PLCG2: variants seen among roughly 807,000 people sequenced by gnomAD.
PLCG2 encodes phospholipase C gamma 2.
A neutral mutation model predicts 175.6 loss-of-function variants in PLCG2; 69 were observed. The ratio of observed to expected loss-of-function variants is 0.39; its 90% CI spans 0.32 to 0.48. The LOEUF is 0.48. Among genes scored for constraint, PLCG2 ranks in the 20% least tolerant of loss-of-function variants. The pLI, the probability that PLCG2 is intolerant of heterozygous loss-of-function variation, is 0.91. For synonymous variants in PLCG2, 827 were observed against 624.0 expected (o/e 1.33, Z -4.85); for missense variants, 1,798 against 1,650.9 (o/e 1.09, Z -1.54).
At chr16:81,836,532 G>A (rs561292507) in intron 2 of PLCG2, among the ~76,000 whole-genome samples, 19 of 152,178 alleles carry the variant, frequency 1.2e-4, no homozygotes, top group Admixed American at 2.0e-4. Context: ...CCTGAGGTGA[G>A]GAGTTTGAGA....
At chr16:81,832,750 G>T (rs780789047) in intron 2 of PLCG2, among the ~76,000 whole-genome samples, 14 of 152,230 alleles carry the variant, frequency 9.2e-5, no homozygotes, top group Admixed American at 2.0e-4. Context: ...ATGATATCCA[G>T]TTGACTGCGT....
chr16:81,838,819 T>C (rs73590821), intron 2 of PLCG2, among the ~76,000 whole-genome samples: 9,806 of 148,860 alleles, frequency 0.066, 389 homozygotes, highest in Non-Finnish European at 0.084. Context: ...GTAAATAACA[T>C]AGATGTGGTA....
In PLCG2 at chr16:81,953,439, TA is replaced by T. The variant is rs1462674208; in HGVS notation, c.3571-3252del. On this transcript the variant is annotated intron_variant, in intron 31 of 32. Transcript: ENST00000564138. The stretch of plus-strand genomic sequence containing the variant: ...TTTTTGTAAGCTTAAGCTTCCAACA[TA>T]AAACAATTTAAAAGGTATTGGTGGG... Among the ~76,000 whole-genome samples, 3 of 152,268 alleles carry T rather than the reference TA, an allele frequency of 2.0e-5. No homozygotes were observed. In the South Asian group the frequency reaches 6.2e-4, roughly 32 times the overall value.
chr16:81,871,170 G>A (rs981550081), intron 7 of PLCG2, among the ~76,000 whole-genome samples: 2 of 152,150 alleles, frequency 1.3e-5, no homozygotes, highest in Non-Finnish European at 2.9e-5. Flanking sequence ...CCTTCCTGGT[G>A]GAAATGCGAA....
chr16:81,756,649 C>T (rs1055534526), intron 2 of PLCG2, among the ~76,000 whole-genome samples: 1 of 152,160 alleles, frequency 6.6e-6, no homozygotes, highest in African/African-American at 2.4e-5. Context: ...CCCAAGTGAA[C>T]CCCTCATTAA....
chr16:81,832,477 T>A (rs1175263254), intron 2 of PLCG2, among the ~76,000 whole-genome samples: 1 of 152,168 alleles, frequency 6.6e-6, no homozygotes, highest in African/African-American at 2.4e-5. Context: ...GCAACCTCTG[T>A]CTCCTGGGTT....
At chr16:81,848,829 C>A (rs920335018) in intron 2 of PLCG2, among the ~76,000 whole-genome samples, 15 of 152,140 alleles carry the variant, frequency 9.9e-5, no homozygotes, top group African/African-American at 3.6e-4. Context: ...TCCACAGATT[C>A]CATCTAATAC....
intron 2 of PLCG2, among the ~76,000 whole-genome samples, chr16:81,764,256 C>G (rs559531273): frequency 6.6e-6 from 1 of 152,202 alleles, no homozygotes; most frequent in African/African-American, 2.4e-5. Flanking sequence ...TTGATTGAGC[C>G]ACTGTACTGC....
intron 2 of PLCG2, among the ~76,000 whole-genome samples, chr16:81,809,738 G>A (rs1904301353): frequency 6.7e-6 from 1 of 148,488 alleles, no homozygotes. Context: ...CCCCTGATTG[G>A]CTAGCCTTGT....
At chr16:81,902,677 A>C (rs912668696) in intron 14 of PLCG2, among the ~76,000 whole-genome samples, 4 of 152,058 alleles carry the variant, frequency 2.6e-5, no homozygotes, top group Non-Finnish European at 5.9e-5. Context: ...CCCGTTCATG[A>C]GGACTCTACC....
chr16:81,786,037 C>G lies in PLCG2; in HGVS notation c.48C>G (p.Ser16Arg), dbSNP rs752018966. The change falls in exon 2 of 33, where the codon AGC (serine) becomes AGG (arginine). Residue 16 changes from serine to arginine, a missense_variant. Ser to Arg is a moderately radical substitution (Grantham distance 110). Coordinates refer to ENST00000564138, the MANE Select transcript of PLCG2 (RefSeq NM_002661.5). ...ATTCCCTTGCGGAATATGAGAAGAG[C>G]CAGATCAAGAGAGCCCTGGAGCTGG... ...NVDSLAEYEK[S>R]QIKRALELGT... The G allele has an allele frequency of 5.0e-6, 8 of 1,614,202 alleles. No homozygotes were observed. The Admixed American group carries it at 5.0e-5, about 10-fold the overall frequency.
At chr16:81,834,231 C>CT (rs1223268206) in intron 2 of PLCG2, among the ~76,000 whole-genome samples, 2 of 152,166 alleles carry the variant, frequency 1.3e-5, no homozygotes, top group African/African-American at 4.8e-5. Flanking sequence ...GAGGTCAACT[C>CT]TGACACCTAT....
At chr16:81,916,835 A>G (rs1426871680) in intron 19 of PLCG2, among the ~76,000 whole-genome samples, 1 of 152,076 alleles carries the variant, frequency 6.6e-6, no homozygotes, top group Non-Finnish European at 1.5e-5. Flanking sequence ...GTGGGGTTTC[A>G]CCATGTTGGC....
intron 30 of PLCG2, among the ~76,000 whole-genome samples, chr16:81,941,026 A>T (rs1426148047): frequency 1.3e-5 from 2 of 152,230 alleles, no homozygotes; most frequent in Non-Finnish European, 2.9e-5. Flanking sequence ...TTTCAAGAGA[A>T]AGATGACTGT....
At chr16:81,746,913 G>A (rs1909718517) in intron 1 of PLCG2, among the ~76,000 whole-genome samples, 4 of 152,006 alleles carry the variant, frequency 2.6e-5, no homozygotes. Context: ...TCATATTTTG[G>A]GAGTTGTAAT....
chr16:81,939,238 C>G (rs1567542042), intron 29 of PLCG2, among the ~76,000 whole-genome samples: 1 of 152,144 alleles, frequency 6.6e-6, no homozygotes, highest in African/African-American at 2.4e-5. Context: ...GGCAGAGACA[C>G]AGAGAGAGGG....
intron 2 of PLCG2, among the ~76,000 whole-genome samples, chr16:81,835,179 C>A (rs1905450466): frequency 6.6e-6 from 1 of 152,144 alleles, no homozygotes; most frequent in Admixed American, 6.5e-5. Context: ...TTTATGTCTG[C>A]AAAATGGGTA....
At chr16:81,859,443 C>T (rs1906849795) in intron 5 of PLCG2, among the ~76,000 whole-genome samples, 1 of 152,252 alleles carries the variant, frequency 6.6e-6, no homozygotes. Flanking sequence ...CTTTAAAGTC[C>T]TGGTAATACA....
In PLCG2 at chr16:81,836,099, C is replaced by A. The variant is rs59756058; in HGVS notation, c.194-18345C>A. Among the ~76,000 whole-genome samples, 903 of 152,298 alleles carry A rather than the reference C, an allele frequency of 5.9e-3. 12 individuals are homozygous for A. The highest frequency in any genetic ancestry group is 0.021 in the African/African-American group (875 of 41,544). ...CCCCAACATTACCCGTTTATACTTT[C>A]TTTCCAGGGCCACCAAGGACAAGAC... On this transcript the variant is annotated intron_variant, in intron 2 of 32. Transcript: ENST00000564138.
Sources: allele counts gnomAD v4.1 joint callset (sites outside exome capture counted in the v4.1 genomes callset), GRCh38; gene constraint gnomAD v4.1.1; transcripts MANE v1.5; gene names NCBI Gene and HGNC (gene_info 2026-07-23, HGNC 2026-07-21).